Variants in ABCA8 observed in about 807,000 individuals in gnomAD.
ABCA8 encodes ATP binding cassette subfamily A member 8, also known as ABC-type organic anion transporter ABCA8.
A neutral mutation model predicts 192.3 loss-of-function variants in ABCA8; 177 were observed. The observed-to-expected ratio is 0.92, with a 90% CI of 0.81 to 1.04. The LOEUF (loss-of-function observed/expected upper bound fraction) is 1.04, where lower values mean the gene tolerates loss of function less well. ABCA8 is among the 50% of genes least tolerant of loss of function. The pLI is 0.00. For synonymous variants in ABCA8, 642 were observed against 690.2 expected (o/e 0.93, Z 1.09); for missense variants, 1,915 against 1,904.8 (o/e 1.01, Z -0.10).
chr17:68,924,510 C>T (rs886658637), intron 11 of ABCA8, among the ~76,000 whole-genome samples, 191 bp downstream of exon 11: 8 of 151,898 alleles, frequency 5.3e-5, no homozygotes, highest in Admixed American at 1.3e-4. Context: ...GTGTAAATGT[C>T]GACAATGTTA....
intron 14 of ABCA8, among the ~76,000 whole-genome samples, chr17:68,919,040 C>T (rs1197796184): frequency 1.3e-5 from 2 of 151,234 alleles, no homozygotes; most frequent in Non-Finnish European, 2.9e-5. Flanking sequence ...CTCTCTTGAA[C>T]CACATGTATA....
intron 2 of ABCA8, among the ~76,000 whole-genome samples, chr17:68,945,629 T>C (rs375221420): frequency 2.0e-4 from 31 of 152,280 alleles, no homozygotes; most frequent in African/African-American, 7.2e-4. Context: ...GAGTTTATTT[T>C]TGTGTAAGAC....
intron 3 of ABCA8, 94 bp downstream of exon 3, chr17:68,941,845 A>T: frequency 1.3e-6 from 1 of 779,942 alleles, no homozygotes; most frequent in East Asian, 2.6e-5. Flanking sequence ...TTTTTGGTGT[A>T]TGTGTCGGGG....
intron 32 of ABCA8, chr17:68,877,965 C>A (rs2066249650): frequency 6.6e-6 from 2 of 302,030 alleles, no homozygotes; most frequent in Non-Finnish European, 6.0e-6. Context: ...TTTTTTAAAT[C>A]ACTGTCAAAA....
chr17:68,904,303 T>G (rs200508354), intron 19 of ABCA8, among the ~76,000 whole-genome samples: 4 of 20,966 alleles, frequency 1.9e-4, no homozygotes, highest in Non-Finnish European at 2.8e-4. Context: ...ATAATAATAA[T>G]AATAATAATA....
intron 21 of ABCA8, among the ~76,000 whole-genome samples, chr17:68,895,685 T>A (rs1015347416): frequency 6.6e-6 from 1 of 152,092 alleles, no homozygotes; most frequent in Non-Finnish European, 1.5e-5. Context: ...AGAACAGGGA[T>A]CCCTATTCCC....
chr17:68,873,393 C>T lies in ABCA8; in HGVS notation c.4631+1867G>A, dbSNP rs187832467. ...CACAATGATGAAATTGCTTAACGAC[C>T]CATTTCTCTGAAAGTATCCCTATTG... On this transcript the variant is annotated intron_variant, in intron 37 of 39. Coordinates refer to ENST00000586539, the MANE Select transcript of ABCA8 (RefSeq NM_001288985.2). Among the ~76,000 whole-genome samples the T allele has an allele frequency of 5.3e-5, 8 of 152,194 alleles. No individual in the cohort carries two copies. In the East Asian group the frequency reaches 1.3e-3, roughly 26 times the overall value.
At chr17:68,951,478 C>T (rs2068567092) in intron 1 of ABCA8, among the ~76,000 whole-genome samples, 1 of 152,174 alleles carries the variant, frequency 6.6e-6, no homozygotes, top group South Asian at 2.1e-4. Flanking sequence ...CGTATCTATT[C>T]AATCTTTTTC....
chr17:68,887,033 G>T lies in ABCA8; in HGVS notation c.3413C>A (p.Ser1138Ter), dbSNP rs755757310. 1.2e-6 allele frequency: 2 copies of T among 1,604,494 alleles called. No individual in the cohort carries two copies. The highest frequency in any genetic ancestry group is 2.2e-5 in the South Asian group (2 of 90,718). Reference sequence around the variant, plus strand: ...TATACTTACAACATAGAAACAAAATGACCAAATGCCACTATTTTTTCTCCC... The same window carrying T: ...TATACTTACAACATAGAAACAAAATTACCAAATGCCACTATTTTTTCTCCC... ...RKGRKNSGIWSFCFYVVTVFS... is the reference protein window; with the variant it reads ...RKGRKNSGIW Residue 1138 changes from serine (S) to a stop codon, truncating the protein, a stop_gained, in exon 26 of 40, where the codon TCA becomes TAA. Coordinates refer to ENST00000586539, the MANE Select transcript of ABCA8 (RefSeq NM_001288985.2). LOFTEE classifies it high-confidence loss of function.
At chr17:68,897,478 A>C (rs1281446294) in intron 21 of ABCA8, among the ~76,000 whole-genome samples, 1 of 152,246 alleles carries the variant, frequency 6.6e-6, no homozygotes, top group Non-Finnish European at 1.5e-5. Context: ...ACTCTTATAC[A>C]GGAAGAAAAG....
chr17:68,950,845 TTGTC>T (rs1407570118), intron 1 of ABCA8, among the ~76,000 whole-genome samples: 3 of 152,126 alleles, frequency 2.0e-5, no homozygotes, highest in East Asian at 3.8e-4. Context: ...TGTCCACCCT[TTGTC>T]TGGTAATTTT....
At chr17:68,935,262 TTGTGTGTGTGTG>T (rs71144641) in intron 5 of ABCA8, among the ~76,000 whole-genome samples, 21 of 136,082 alleles carry the variant, frequency 1.5e-4, no homozygotes, top group Non-Finnish European at 2.9e-4. Context: ...GCCTGGCTAA[TTGTGTGTGTGTG>T]TGTGTGTGTG....
chr17:68,885,175 A>G, intron 27 of ABCA8, 21 bp downstream of exon 27: 1 of 1,607,882 alleles, frequency 6.2e-7, no homozygotes, highest in Non-Finnish European at 8.5e-7. Context: ...AGGGACTGGG[A>G]CAGACTGTGT....
At chr17:68,868,229 G>A (rs200036458) in intron 39 of ABCA8, 46 bp from the exon 40 acceptor site, 1 of 1,605,594 alleles carries the variant, frequency 6.2e-7, no homozygotes, top group Non-Finnish European at 8.5e-7. Flanking sequence ...ATGCCGTGCT[G>A]CCTCTGCAGC....
intron 21 of ABCA8, among the ~76,000 whole-genome samples, chr17:68,901,402 A>G (rs1410420472): frequency 1.3e-5 from 2 of 152,230 alleles, no homozygotes; most frequent in East Asian, 1.9e-4. Context: ...GCCATTAACA[A>G]AATACAAATC....
At chr17:68,883,240 C>A (rs1350475825) in intron 29 of ABCA8, among the ~76,000 whole-genome samples, 1 of 152,212 alleles carries the variant, frequency 6.6e-6, no homozygotes, top group Non-Finnish European at 1.5e-5. Context: ...TCTTGGCAGT[C>A]TCCCATCCAA....
rs1459552087 is a variant in ABCA8, at chr17:68,918,543, G to A, written c.1792C>T (p.Gln598Ter). 8.0e-6 allele frequency: 12 copies of A among 1,495,024 alleles called. No homozygotes were observed. Among genetic ancestry groups the A allele is most frequent in the Non-Finnish European group, 1.1e-5 (12 of 1,133,514 alleles). 92.6% of individuals were successfully genotyped at this position (1,495,024 alleles called of 1,614,324 possible). ...ATTTCCAATTCCAGCAGAACCCTTT[G>A]TATCTAACCAAAAGACAGTATTTAT... ...ILPQEVDKEI[Q>*]RVLLELEMKN... The change falls in exon 15 of 40, where the codon CAA becomes TAA. Residue 598 changes from glutamine to a stop codon, truncating the protein, a stop_gained. Coordinates refer to ENST00000586539, the MANE Select transcript of ABCA8 (RefSeq NM_001288985.2). LOFTEE classifies it high-confidence loss of function.
intron 38 of ABCA8, among the ~76,000 whole-genome samples, chr17:68,869,083 C>A (rs1425112614): frequency 6.6e-6 from 1 of 152,142 alleles, no homozygotes; most frequent in African/African-American, 2.4e-5. Context: ...ACTAGAAGAT[C>A]TGAATCTCTT....
At position 68,869,733 on chromosome 17, in the gene ABCA8, G is replaced by C; in HGVS notation, c.4678C>G (p.Pro1560Ala). 1 of 1,613,212 alleles carries C rather than the reference G, an allele frequency of 6.2e-7. No homozygotes were observed. Among genetic ancestry groups the C allele is most frequent in the Non-Finnish European group, 8.5e-7 (1 of 1,179,362 alleles). Residue 1560 changes from proline to alanine, a missense_variant, in exon 38 of 40, where the codon CCT becomes GCT. Coordinates refer to ENST00000586539, the MANE Select transcript of ABCA8 (RefSeq NM_001288985.2). ...AATTTGAAGAAAGCTTGGGCTAAAG[G>C]TTGCACATCTTCCACTGGCAACTTA... ...VYKLPVEDVQ[P>A]LAQAFFKLEK...
Sources: gnomAD v4.1 joint callset for allele counts (sites outside exome capture counted in the v4.1 genomes callset) on GRCh38, gnomAD v4.1.1 for gene constraint, MANE v1.5 for transcripts, NCBI Gene and HGNC (gene_info 2026-07-23, HGNC 2026-07-21) for gene names.